Variants in ARHGAP11B observed in about 807,000 individuals in gnomAD.
ARHGAP11B encodes inactive Rho GTPase-activating protein 11B.
ARHGAP11B carries 14 observed loss-of-function variants against 27.6 expected under a neutral mutation model. The ratio of observed to expected loss-of-function variants is 0.51; its 90% confidence interval spans 0.34 to 0.79. ARHGAP11B has a LOEUF of 0.79. Among genes scored for constraint, ARHGAP11B ranks in the 30% least tolerant of loss-of-function variants. The probability of loss-of-function intolerance (pLI) is 0.02; values close to 1 mark genes in which losing one functional copy is unlikely to be tolerated. For synonymous variants in ARHGAP11B, 82 were observed against 114.1 expected (o/e 0.72, Z 1.80); for missense variants, 245 against 320.1 (o/e 0.77, Z 1.79).
chr15:30,633,648 C>T, intron 3 of ARHGAP11B, 62 bp downstream of exon 3: 1 of 1,478,514 alleles, frequency 6.8e-7, no homozygotes, highest in South Asian at 1.2e-5. Flanking sequence ...GTTTTTAAAA[C>T]TGAAATATTT....
intron 4 of ARHGAP11B, 128 bp from the exon 5 acceptor site, chr15:30,634,952 A>G: frequency 1.1e-6 from 1 of 923,204 alleles, no homozygotes; most frequent in Middle Eastern, 2.7e-4. Flanking sequence ...AATCATGTAG[A>G]TGAAGGGTAA....
intron 6 of ARHGAP11B, among the ~76,000 whole-genome samples, chr15:30,637,138 A>AACCACCACATC (rs2060284683): frequency 6.6e-6 from 1 of 151,772 alleles, no homozygotes; most frequent in Non-Finnish European, 1.5e-5. Flanking sequence ...CTAAATAGAT[A>AACCACCACATC]ACCACCACAT....
intron 1 of ARHGAP11B, among the ~76,000 whole-genome samples, chr15:30,630,160 C>CTTCTA (rs1368060084): frequency 6.6e-6 from 1 of 152,090 alleles, no homozygotes; most frequent in Non-Finnish European, 1.5e-5. Flanking sequence ...GAAAAGCACT[C>CTTCTA]TTCTATAGAA....
At chr15:30,639,906 T>G (rs2060304594) in intron 7 of ARHGAP11B, among the ~76,000 whole-genome samples, 1 of 151,890 alleles carries the variant, frequency 6.6e-6, no homozygotes, top group Non-Finnish European at 1.5e-5. Flanking sequence ...TTTATTCTGT[T>G]TTATCCAACC....
intron 6 of ARHGAP11B, among the ~76,000 whole-genome samples, 175 bp from the exon 7 acceptor site, chr15:30,638,571 A>G (rs1227207419): frequency 1.3e-5 from 2 of 151,970 alleles, no homozygotes; most frequent in African/African-American, 4.8e-5. Context: ...GGGGAATGGA[A>G]TAAAAATATA....
chr15:30,632,038 A>G (rs920658325), intron 2 of ARHGAP11B, among the ~76,000 whole-genome samples: 9 of 147,800 alleles, frequency 6.1e-5, no homozygotes, highest in African/African-American at 2.2e-4. Context: ...TACCTGCTTC[A>G]GCCTCCCAAA....
At chr15:30,644,859 G>A (rs2648150) in intron 8 of ARHGAP11B, among the ~76,000 whole-genome samples, 201 of 151,858 alleles carry the variant, frequency 1.3e-3, no homozygotes, top group African/African-American at 4.7e-3. Context: ...TGAATTGTAA[G>A]TAATCTGTAA....
chr15:30,645,229 CTTT>C (rs532444495), intron 8 of ARHGAP11B, among the ~76,000 whole-genome samples: 1 of 146,424 alleles, frequency 6.8e-6, no homozygotes, highest in African/African-American at 2.6e-5. Flanking sequence ...ATACCTTAAA[CTTT>C]TTTTTTTAAC....
exon 10 of ARHGAP11B, chr15:30,647,683 C>T: frequency 4.7e-6 from 1 of 211,466 alleles, no homozygotes; most frequent in Non-Finnish European, 1.0e-5. Flanking sequence ...ATTGCTAATC[C>T]AGTATTTGCG....
chr15:30,639,026 A>C (rs981648090), intron 7 of ARHGAP11B, among the ~76,000 whole-genome samples: 8 of 151,938 alleles, frequency 5.3e-5, no homozygotes, highest in African/African-American at 1.9e-4. Context: ...TTGTAGGCAA[A>C]AATTTTTTTA....
chr15:30,629,548 G>A lies in ARHGAP11B; in HGVS notation c.130-1155G>A, dbSNP rs568809588. Among the ~76,000 whole-genome samples, 9 of 151,978 alleles carry A rather than the reference G, an allele frequency of 5.9e-5. No individual in the cohort carries two copies. In the East Asian group the frequency reaches 1.2e-3, roughly 20 times the overall value. On this transcript the variant is annotated intron_variant, in intron 1 of 10. Transcript: ENST00000428041. ...AGCCTGGGCCACAAAGTGAGACTCC[G>A]TCTCAAAAAAAATACACCTGTCATT...
chr15:30,629,155 C>T (rs945904930), intron 1 of ARHGAP11B, among the ~76,000 whole-genome samples: 7 of 151,996 alleles, frequency 4.6e-5, no homozygotes, highest in Non-Finnish European at 1.0e-4. Context: ...TCTTCCTACA[C>T]CTCTATGACT....
At chr15:30,628,206 G>C (rs1024980546) in intron 1 of ARHGAP11B, among the ~76,000 whole-genome samples, 2 of 151,362 alleles carry the variant, frequency 1.3e-5, no homozygotes, top group Non-Finnish European at 2.9e-5. Flanking sequence ...TCAGCTTCCC[G>C]AGTAGCTGGA....
chr15:30,635,686 T>G (rs2060275990), intron 6 of ARHGAP11B, 53 bp downstream of exon 6: 1 of 1,582,886 alleles, frequency 6.3e-7, no homozygotes, highest in African/African-American at 1.4e-5. Context: ...TAATCGAAAG[T>G]ACATTTCACA....
In ARHGAP11B at chr15:30,634,591, A is replaced by T. The variant is rs527373636; in HGVS notation, c.551+168A>T. ...AATTTAAGAAACAGCATACCAAATG[A>T]TTTAATATTTCCTTATCTTAAAGTC... On this transcript the variant is annotated intron_variant, in intron 4 of 10. Coordinates refer to ENST00000428041, the Ensembl canonical transcript of ARHGAP11B. 2.0e-5 allele frequency among the ~76,000 whole-genome samples: 3 copies of T among 152,188 alleles called. No homozygotes were observed. The East Asian group carries it at 5.8e-4, about 29-fold the overall frequency.
exon 1 of ARHGAP11B, chr15:30,626,799 CAG>C (rs781297338): frequency 3.1e-6 from 5 of 1,612,736 alleles, no homozygotes; most frequent in Non-Finnish European, 4.2e-6. Flanking sequence ...CATCCTGCCT[CAG>C]AGTTATCGAC....
exon 3 of ARHGAP11B, chr15:30,633,510 C>A: frequency 6.2e-7 from 1 of 1,611,856 alleles, no homozygotes; most frequent in Non-Finnish European, 8.5e-7. Context: ...GATGCTTGCA[C>A]ATCTTTAGAA....
At chr15:30,645,360 G>A (rs1178932612) in intron 8 of ARHGAP11B, among the ~76,000 whole-genome samples, 1 of 151,546 alleles carries the variant, frequency 6.6e-6, no homozygotes, top group Non-Finnish European at 1.5e-5. Context: ...ACTAGCTAAG[G>A]GTTTGTATCA....
chr15:30,636,913 G>T (rs555208229), intron 6 of ARHGAP11B, among the ~76,000 whole-genome samples: 1 of 151,874 alleles, frequency 6.6e-6, no homozygotes, highest in East Asian at 1.9e-4. Flanking sequence ...ATTTTAACTC[G>T]AGTACATCTG....
Sources: allele counts gnomAD v4.1 joint callset (sites outside exome capture counted in the v4.1 genomes callset), GRCh38; gene constraint gnomAD v4.1.1; transcripts MANE v1.5; gene names NCBI Gene and HGNC (gene_info 2026-07-23, HGNC 2026-07-21).